The following FARS2 variants were observed in gnomAD, a reference collection of about 807,000 sequenced individuals.
FARS2 encodes the protein phenylalanine--tRNA ligase, mitochondrial.
In FARS2, 40 loss-of-function variants were observed where a neutral mutation model predicts 46.4. The observed-to-expected ratio is 0.86, with a 90% CI of 0.67 to 1.12. FARS2 has a LOEUF of 1.12. FARS2 is among the 50% of genes most tolerant of loss of function. FARS2 has a pLI of 0.00. For missense variants in FARS2, 513 were observed against 567.9 expected (o/e 0.90, Z 0.98); for synonymous variants, 234 against 214.9 (o/e 1.09, Z -0.78).
intron 5 of FARS2, among the ~76,000 whole-genome samples, chr6:5,555,314 A>T (rs1379941175): frequency 6.6e-6 from 1 of 152,162 alleles, no homozygotes; most frequent in Non-Finnish European, 1.5e-5. Context: ...CATCAGCAGC[A>T]TGAAAACGGA....
At chr6:5,501,917 G>A (rs114355031) in intron 4 of FARS2, among the ~76,000 whole-genome samples, 426 of 152,308 alleles carry the variant, frequency 2.8e-3, no homozygotes, top group African/African-American at 9.7e-3. Context: ...TGTGAGATGC[G>A]TGTGCAGTGA....
At chr6:5,277,720 G>A (rs1298565240) in intron 1 of FARS2, among the ~76,000 whole-genome samples, 1 of 152,150 alleles carries the variant, frequency 6.6e-6, no homozygotes, top group African/African-American at 2.4e-5. Flanking sequence ...ATATTTTGGG[G>A]ACTTTTGGTT....
intron 1 of FARS2, among the ~76,000 whole-genome samples, chr6:5,340,417 G>GTTAA: frequency 6.6e-6 from 1 of 152,234 alleles, no homozygotes; most frequent in East Asian, 1.9e-4. Flanking sequence ...TTGGTGAAAG[G>GTTAA]TTAATCCTAC....
intron 6 of FARS2, among the ~76,000 whole-genome samples, chr6:5,726,552 C>A (rs1006393902): frequency 2.6e-5 from 4 of 152,294 alleles, no homozygotes; most frequent in Middle Eastern, 3.4e-3. Flanking sequence ...AGCGCAGGAG[C>A]ACATGAATTG....
intron 1 of FARS2, among the ~76,000 whole-genome samples, chr6:5,294,750 G>C (rs868717438): frequency 6.6e-6 from 1 of 152,186 alleles, no homozygotes. Context: ...AGGGGAAGGG[G>C]TGTGGAGCTT....
chr6:5,620,599 G>T (rs1446574209), intron 6 of FARS2, among the ~76,000 whole-genome samples: 5 of 152,110 alleles, frequency 3.3e-5, no homozygotes, highest in African/African-American at 1.2e-4. Context: ...CACTTATTCT[G>T]TCTCTCCCCA....
the FARS2 span, among the ~76,000 whole-genome samples, chr6:5,252,069 C>T: frequency 5.3e-5 from 8 of 152,186 alleles, no homozygotes; most frequent in Non-Finnish European, 1.0e-4. Flanking sequence ...CGAGACCTGA[C>T]GTTGATCAGC....
intron 1 of FARS2, among the ~76,000 whole-genome samples, chr6:5,321,123 T>C (rs1301308984): frequency 6.6e-6 from 1 of 152,222 alleles, no homozygotes; most frequent in Admixed American, 6.5e-5. Flanking sequence ...AAAAAAGTTA[T>C]AGATTTCTCC....
intron 1 of FARS2, among the ~76,000 whole-genome samples, chr6:5,263,537 G>A (rs996412569): frequency 1.6e-4 from 25 of 152,092 alleles, no homozygotes; most frequent in East Asian, 5.8e-4. Flanking sequence ...AAAATAACTC[G>A]ATTTGAGATT....
intron 6 of FARS2, among the ~76,000 whole-genome samples, chr6:5,627,485 T>C (rs1236840397): frequency 6.6e-6 from 1 of 152,264 alleles, no homozygotes; most frequent in East Asian, 1.9e-4. Context: ...ATTCATTCAA[T>C]ATGCTAATTT....
At chr6:5,756,237 G>A (rs1321746174) in intron 6 of FARS2, among the ~76,000 whole-genome samples, 1 of 152,154 alleles carries the variant, frequency 6.6e-6, no homozygotes, top group East Asian at 1.9e-4. Flanking sequence ...TTTACTTTTT[G>A]CGTCTGGAGA....
At chr6:5,421,295 G>T (rs1231837721) in intron 3 of FARS2, among the ~76,000 whole-genome samples, 1 of 152,186 alleles carries the variant, frequency 6.6e-6, no homozygotes, top group East Asian at 1.9e-4. Flanking sequence ...TCCCTAGGCT[G>T]CACACAGCAT....
At chr6:5,477,030 T>C (rs1467540468) in intron 4 of FARS2, among the ~76,000 whole-genome samples, 1 of 152,220 alleles carries the variant, frequency 6.6e-6, no homozygotes, top group African/African-American at 2.4e-5. Flanking sequence ...CCTCTTTCTT[T>C]ATAAAGATAA....
At chr6:5,474,552 A>T (rs1765999221) in intron 4 of FARS2, among the ~76,000 whole-genome samples, 1 of 152,222 alleles carries the variant, frequency 6.6e-6, no homozygotes, top group Admixed American at 6.5e-5. Context: ...CCTAGGCTAC[A>T]AACATGTACA....
intron 5 of FARS2, among the ~76,000 whole-genome samples, chr6:5,604,431 G>C (rs1582559920): frequency 6.6e-6 from 1 of 152,234 alleles, no homozygotes; most frequent in Non-Finnish European, 1.5e-5. Context: ...AAGCTCATTA[G>C]CAGGTGCTCG....
chr6:5,287,663 C>T (rs957014065), intron 1 of FARS2, among the ~76,000 whole-genome samples: 2 of 152,178 alleles, frequency 1.3e-5, no homozygotes, highest in African/African-American at 2.4e-5. Flanking sequence ...GATGCTGCTC[C>T]CTTGGAGGAC....
intron 1 of FARS2, among the ~76,000 whole-genome samples, chr6:5,267,209 C>T (rs1765610177): frequency 2.0e-5 from 3 of 150,248 alleles, no homozygotes; most frequent in African/African-American, 7.3e-5. Context: ...AAGAAACCAT[C>T]TTTTCATGCT....
chr6:5,639,709 T>TTGAGTGTAAGC (rs1487713374), intron 6 of FARS2, among the ~76,000 whole-genome samples: 21 of 151,558 alleles, frequency 1.4e-4, no homozygotes, highest in Admixed American at 1.4e-3. Context: ...AGCGAGGCTC[T>TTGAGTGTAAGC]TGAGTGTAAG....
At chr6:5,604,268 GC>G (rs1035740412) in intron 5 of FARS2, among the ~76,000 whole-genome samples, 2 of 150,858 alleles carry the variant, frequency 1.3e-5, no homozygotes, top group African/African-American at 4.9e-5. Flanking sequence ...AGCCAGGTCT[GC>G]CACACTCCCA....
Sources: allele counts gnomAD v4.1 joint callset (sites outside exome capture counted in the v4.1 genomes callset), GRCh38; gene constraint gnomAD v4.1.1; transcripts MANE v1.5; gene names NCBI Gene and HGNC (gene_info 2026-07-23, HGNC 2026-07-21).